Variants in PTPRT observed in about 807,000 individuals in gnomAD.
PTPRT encodes the protein receptor-type tyrosine-protein phosphatase T.
A neutral mutation model predicts 176.8 loss-of-function variants in PTPRT; 56 were observed. The observed-to-expected ratio is 0.32, with a 90% confidence interval of 0.26 to 0.40. The LOEUF is 0.40. Among genes scored for constraint, PTPRT ranks in the 10% least tolerant of loss-of-function variants. PTPRT has a pLI of 1.00. For missense variants in PTPRT, 1,540 were observed against 1,908.2 expected, an observed-to-expected ratio of 0.81 and a Z score of 3.60; for synonymous variants, 783 against 739.0, an observed-to-expected ratio of 1.06 and a Z score of -0.96.
At chr20:43,003,280 G>C (rs1252212204) in intron 1 of PTPRT, among the ~76,000 whole-genome samples, 2 of 152,158 alleles carry the variant, frequency 1.3e-5, no homozygotes, top group East Asian at 1.9e-4. Context: ...TCTACCAACT[G>C]GGCTCAAGCA....
At position 42,076,317 on chromosome 20, in the gene PTPRT, C is replaced by T; in HGVS notation, c.*4562G>A. 1 of 201,086 alleles carries T rather than the reference C, an allele frequency of 5.0e-6. No homozygotes were observed. Among genetic ancestry groups the T allele is most frequent in the Non-Finnish European group, 1.0e-5 (1 of 97,648 alleles). 12.5% of individuals were successfully genotyped at this position (201,086 alleles called of 1,614,324 possible). On this transcript the variant is annotated 3_prime_UTR_variant, in exon 31 of 31. Transcript: ENST00000373187. ...TCCTCAGACTTGCCCACATTAGCAA[C>T]CATGTGACTCCACTTGGACAACAGG... is the stretch of plus-strand genomic sequence containing the variant.
chr20:42,748,166 G>A (rs1486429446), intron 6 of PTPRT, among the ~76,000 whole-genome samples: 1 of 152,132 alleles, frequency 6.6e-6, no homozygotes, highest in Non-Finnish European at 1.5e-5. Context: ...CATATGACCT[G>A]GAAAGCTGAA....
intron 7 of PTPRT, among the ~76,000 whole-genome samples, chr20:42,490,551 A>C (rs140039302): frequency 3.7e-4 from 56 of 152,262 alleles, no homozygotes; most frequent in African/African-American, 1.2e-3. Context: ...TTATAAGTTA[A>C]TCTTATATCT....
chr20:42,828,122 T>C (rs1478960868), intron 2 of PTPRT, among the ~76,000 whole-genome samples: 1 of 152,214 alleles, frequency 6.6e-6, no homozygotes, highest in Non-Finnish European at 1.5e-5. Flanking sequence ...CCTAGAGACT[T>C]GTTGAATTAC....
chr20:42,319,862 T>C (rs2057774776), intron 11 of PTPRT, among the ~76,000 whole-genome samples: 1 of 152,228 alleles, frequency 6.6e-6, no homozygotes, highest in African/African-American at 2.4e-5. Context: ...TTTGGGGTCA[T>C]ATCTCCAGCT....
intron 2 of PTPRT, among the ~76,000 whole-genome samples, chr20:42,846,465 G>A (rs573715560): frequency 3.3e-5 from 5 of 152,336 alleles, no homozygotes; most frequent in African/African-American, 1.2e-4. Context: ...CGCCATGGCT[G>A]TGGTGCTGGG....
intron 1 of PTPRT, among the ~76,000 whole-genome samples, chr20:43,151,547 A>C (rs996232475): frequency 3.3e-5 from 5 of 152,016 alleles, no homozygotes; most frequent in African/African-American, 1.2e-4. Flanking sequence ...ACTTCCCTCC[A>C]TAGGTACATC....
intron 25 of PTPRT, 66 bp downstream of exon 25, chr20:42,104,503 T>A: frequency 6.7e-7 from 1 of 1,482,856 alleles, no homozygotes; most frequent in South Asian, 1.3e-5. Context: ...CCACCCAATC[T>A]ATGGAAATTT....
intron 1 of PTPRT, among the ~76,000 whole-genome samples, chr20:43,107,635 A>G (rs1352757601): frequency 6.6e-6 from 1 of 152,224 alleles, no homozygotes; most frequent in Non-Finnish European, 1.5e-5. Context: ...AGCTTAAAGG[A>G]TCAATATCGC....
At chr20:42,185,575 T>A (rs6102719) in intron 16 of PTPRT, among the ~76,000 whole-genome samples, 4,139 of 152,304 alleles carry the variant, frequency 0.027, 186 homozygotes, top group African/African-American at 0.093. Context: ...CCAGATAGCA[T>A]CTGACTGGCA....
intron 1 of PTPRT, among the ~76,000 whole-genome samples, chr20:43,063,124 G>A (rs1484288299): frequency 1.3e-5 from 2 of 152,028 alleles, no homozygotes; most frequent in Non-Finnish European, 2.9e-5. Context: ...GGTTCTTGGT[G>A]GAACTAAGAC....
intron 1 of PTPRT, among the ~76,000 whole-genome samples, chr20:43,186,920 A>C (rs1017449380): frequency 2.1e-4 from 32 of 152,188 alleles, no homozygotes; most frequent in African/African-American, 7.7e-4. Context: ...TCTGAAACCC[A>C]CTAGTAAATG....
At chr20:42,807,798 C>G (rs142982236) in intron 2 of PTPRT, among the ~76,000 whole-genome samples, 1 of 152,142 alleles carries the variant, frequency 6.6e-6, no homozygotes, top group Non-Finnish European at 1.5e-5. Context: ...ATTATGTGCC[C>G]GCTAAACATT....
At chr20:42,236,395 A>C in intron 14 of PTPRT, 137 bp from the exon 15 acceptor site, 11 of 687,682 alleles carry the variant, frequency 1.6e-5, no homozygotes, top group Non-Finnish European at 2.0e-5. Flanking sequence ...CCCTAAGCTC[A>C]AGGAGATGCA....
chr20:42,631,952 A>T (rs1026076666), intron 7 of PTPRT, among the ~76,000 whole-genome samples: 4 of 152,156 alleles, frequency 2.6e-5, no homozygotes, highest in African/African-American at 9.7e-5. Context: ...TATGCCAGAT[A>T]GTTTATGCAA....
chr20:42,933,031 T>C (rs959462116), intron 1 of PTPRT, among the ~76,000 whole-genome samples: 6 of 152,128 alleles, frequency 3.9e-5, no homozygotes, highest in Non-Finnish European at 8.8e-5. Flanking sequence ...TTTGGACCCA[T>C]CCCAGGCTCC....
At chr20:42,278,611 T>A (rs906667723) in intron 13 of PTPRT, among the ~76,000 whole-genome samples, 43 of 152,090 alleles carry the variant, frequency 2.8e-4, no homozygotes, top group African/African-American at 9.9e-4. Context: ...GAACTGGGCA[T>A]CAGTTTCTCA....
intron 1 of PTPRT, among the ~76,000 whole-genome samples, chr20:43,057,460 G>T (rs1987291750): frequency 6.6e-6 from 1 of 151,420 alleles, no homozygotes; most frequent in Admixed American, 6.6e-5. Flanking sequence ...AGGGTTGAAA[G>T]GAAAGGAAAA....
intron 1 of PTPRT, among the ~76,000 whole-genome samples, chr20:43,031,781 G>C (rs1315212375): frequency 6.6e-6 from 1 of 152,154 alleles, no homozygotes; most frequent in African/African-American, 2.4e-5. Flanking sequence ...GACAATATAA[G>C]GGACTGTCTC....
Sources: allele counts gnomAD v4.1 joint callset (sites outside exome capture counted in the v4.1 genomes callset), GRCh38; gene constraint gnomAD v4.1.1; transcripts MANE v1.5; gene names NCBI Gene and HGNC (gene_info 2026-07-23, HGNC 2026-07-21).